CCDC171: variants seen among roughly 807,000 people sequenced by gnomAD.
CCDC171 encodes coiled-coil domain containing 171.
CCDC171 carries 177 observed loss-of-function variants against 168.2 expected under a neutral mutation model. That is an observed-to-expected ratio of 1.05 (90% CI 0.93 to 1.19). The LOEUF (loss-of-function observed/expected upper bound fraction) is 1.19. Among genes scored for constraint, CCDC171 ranks in the 50% most tolerant of loss-of-function variants. The pLI is 0.00. For missense variants in CCDC171, 1,991 were observed against 1,539.0 expected (o/e 1.29, Z -4.91); for synonymous variants, 687 against 540.8 (o/e 1.27, Z -3.75).
intron 25 of CCDC171, among the ~76,000 whole-genome samples, chr9:15,944,009 G>A (rs987873894): frequency 6.6e-6 from 1 of 152,034 alleles, no homozygotes; most frequent in East Asian, 1.9e-4. Context: ...CCACTAGCCT[G>A]TAAGAGAGTA....
chr9:16,053,573 C>T (rs1188029595), intron 1 of CCDC171, among the ~76,000 whole-genome samples: 3 of 152,236 alleles, frequency 2.0e-5, no homozygotes, highest in Admixed American at 2.0e-4. Context: ...CCTCTTTTCT[C>T]TCATCTCCTG....
rs1023737775 is a variant in CCDC171 at position 15,668,798 on chromosome 9, T to C, written c.1076+2475T>C. ...ACTTCAGAATCATCTTTAAAAAACC[T>C]TTTTTAAAGATGATTCTGAATTTTT... On this transcript the variant is annotated intron_variant, in intron 9 of 25. Coordinates refer to ENST00000380701, the MANE Select transcript of CCDC171 (RefSeq NM_173550.4). Among the ~76,000 whole-genome samples the C allele has an allele frequency of 2.0e-5, 3 of 152,156 alleles. No individual in the cohort carries two copies. In the South Asian group the frequency reaches 6.2e-4, roughly 32 times the overall value.
At chr9:15,953,507 C>G (rs889757688) in intron 25 of CCDC171, among the ~76,000 whole-genome samples, 1 of 152,124 alleles carries the variant, frequency 6.6e-6, no homozygotes, top group South Asian at 2.1e-4. Flanking sequence ...GTTGAGCTCT[C>G]CTTGCATCCT....
At chr9:15,597,722 A>G (rs1262664017) in intron 6 of CCDC171, among the ~76,000 whole-genome samples, 4 of 152,190 alleles carry the variant, frequency 2.6e-5, no homozygotes, top group Non-Finnish European at 5.9e-5. Context: ...AAGGAATGGT[A>G]CCAGCTCCTC....
chr9:15,823,783 A>G (rs2059898671), intron 21 of CCDC171, among the ~76,000 whole-genome samples: 1 of 152,124 alleles, frequency 6.6e-6, no homozygotes, highest in Admixed American at 6.6e-5. Context: ...TTATATTGAA[A>G]AAAATAAAAT....
At chr9:15,629,282 A>G (rs2045464282) in intron 7 of CCDC171, among the ~76,000 whole-genome samples, 2 of 152,160 alleles carry the variant, frequency 1.3e-5, no homozygotes, top group Admixed American at 6.5e-5. Flanking sequence ...GAAAACTTTG[A>G]AAAAAATTTA....
the CCDC171 span, among the ~76,000 whole-genome samples, chr9:16,085,864 T>C: frequency 6.6e-6 from 1 of 152,328 alleles, no homozygotes; most frequent in South Asian, 2.1e-4. Context: ...AGAAGGGGAA[T>C]GTGGTACTCT....
chr9:15,783,467 C>T (rs1282658280), intron 20 of CCDC171, among the ~76,000 whole-genome samples: 2 of 152,172 alleles, frequency 1.3e-5, no homozygotes, highest in Admixed American at 6.5e-5. Context: ...ATCCACCTCA[C>T]ATCCTTTTTT....
At chr9:16,082,682 C>A in the CCDC171 span, among the ~76,000 whole-genome samples, 1 of 152,166 alleles carries the variant, frequency 6.6e-6, no homozygotes. Context: ...TACACGCATG[C>A]GTGAGCTTTT....
At chr9:15,984,430 G>T (rs1831915751) in intron 3 of CCDC171, among the ~76,000 whole-genome samples, 1 of 127,210 alleles carries the variant, frequency 7.9e-6, no homozygotes, top group Non-Finnish European at 1.6e-5. Flanking sequence ...ACATATATAT[G>T]TGTGTGTGTA....
chr9:15,947,890 A>G (rs1030352806), intron 25 of CCDC171, among the ~76,000 whole-genome samples: 2 of 151,752 alleles, frequency 1.3e-5, no homozygotes, highest in African/African-American at 2.4e-5. Context: ...TTAGTTACAT[A>G]TGTATACATG....
intron 3 of CCDC171, among the ~76,000 whole-genome samples, chr9:15,981,591 G>A (rs1589293851): frequency 2.0e-5 from 3 of 152,312 alleles, no homozygotes; most frequent in African/African-American, 7.2e-5. Context: ...GAGTAGACAT[G>A]TAGAAGCTTT....
At chr9:15,796,887 G>C (rs1222358718) in intron 21 of CCDC171, among the ~76,000 whole-genome samples, 2 of 152,232 alleles carry the variant, frequency 1.3e-5, no homozygotes, top group Non-Finnish European at 2.9e-5. Context: ...TGCTAAGGGA[G>C]AAACCAGTGG....
intron 8 of CCDC171, chr9:16,036,227 A>C (rs1833464415): frequency 6.6e-6 from 1 of 152,204 alleles, no homozygotes; most frequent in Admixed American, 6.5e-5. Context: ...CACAGAAACT[A>C]CATTAGTTGT....
intron 1 of CCDC171, among the ~76,000 whole-genome samples, chr9:15,562,115 C>T (rs1000271581): frequency 1.3e-5 from 2 of 152,086 alleles, no homozygotes; most frequent in Non-Finnish European, 2.9e-5. Context: ...CTATCTCAAC[C>T]TCCTGAGTAG....
chr9:15,908,882 C>T (rs1388520893), intron 24 of CCDC171, among the ~76,000 whole-genome samples: 1 of 152,094 alleles, frequency 6.6e-6, no homozygotes, highest in Non-Finnish European at 1.5e-5. Flanking sequence ...CGCTCATGAT[C>T]CAAATACCTC....
intron 3 of CCDC171, among the ~76,000 whole-genome samples, chr9:16,011,121 GC>G (rs965064662): frequency 2.9e-4 from 44 of 152,138 alleles, no homozygotes; most frequent in Non-Finnish European, 2.9e-5. Flanking sequence ...TGCAACACAT[GC>G]CCCTTTTCCC....
At chr9:15,588,191 C>T (rs553664564) in intron 4 of CCDC171, among the ~76,000 whole-genome samples, 18 of 152,214 alleles carry the variant, frequency 1.2e-4, no homozygotes, top group East Asian at 3.9e-4. Flanking sequence ...GCCGAGATTG[C>T]GCCACTGTAC....
chr9:15,610,469 A>AAAAAAAAAAAAAAAAAAAAAC (rs1432453522), intron 6 of CCDC171, among the ~76,000 whole-genome samples: 3 of 136,272 alleles, frequency 2.2e-5, no homozygotes, highest in Non-Finnish European at 3.2e-5. Context: ...AAAAAAAAAA[A>AAAAAAAAAAAAAAAAAAAAAC]AAAAAAAAAA....
Sources: gnomAD v4.1 joint callset for allele counts (sites outside exome capture counted in the v4.1 genomes callset) on GRCh38, gnomAD v4.1.1 for gene constraint, MANE v1.5 for transcripts, NCBI Gene and HGNC (gene_info 2026-07-23, HGNC 2026-07-21) for gene names.